CACNA2D4: variants seen among roughly 807,000 people sequenced by gnomAD.
CACNA2D4 encodes the protein calcium voltage-gated channel auxiliary subunit alpha2delta 4, also known as voltage-dependent calcium channel subunit alpha-2/delta-4.
CACNA2D4 carries 157 observed loss-of-function variants against 163.8 expected under a neutral mutation model. The observed-to-expected ratio is 0.96, with a 90% CI of 0.84 to 1.09. The LOEUF is 1.09. Ranked by LOEUF, CACNA2D4 falls within the 50% of genes least tolerant of loss-of-function variation. The probability of loss-of-function intolerance (pLI) is 0.00; values close to 1 mark genes in which losing one functional copy is unlikely to be tolerated. For missense variants in CACNA2D4, 1,410 were observed against 1,479.9 expected (o/e 0.95, Z 0.78); for synonymous variants, 598 against 586.9 (o/e 1.02, Z -0.27).
At chr12:1,903,108 T>C (rs951890811) in intron 6 of CACNA2D4, among the ~76,000 whole-genome samples, 19 of 151,950 alleles carry the variant, frequency 1.3e-4, no homozygotes, top group African/African-American at 3.9e-4. Flanking sequence ...AGTACACACA[T>C]TGGGGAGAGG....
chr12:1,837,820 C>A (rs1014050322), intron 26 of CACNA2D4, among the ~76,000 whole-genome samples: 1 of 152,206 alleles, frequency 6.6e-6, no homozygotes, highest in Non-Finnish European at 1.5e-5. Context: ...AAGAACGGGG[C>A]CCCTCTCAGG....
At chr12:1,908,557 C>A (rs1220346748) in intron 4 of CACNA2D4, among the ~76,000 whole-genome samples, 1 of 152,212 alleles carries the variant, frequency 6.6e-6, no homozygotes, top group South Asian at 2.1e-4. Context: ...GGTGGAGCCC[C>A]GGCCCCGTTT....
Position 1,918,281 on chromosome 12 carries a change from G to A in CACNA2D4, c.193C>T (p.Pro65Ser), listed in dbSNP as rs769056546. The change falls in exon 1 of 38, where the codon CCT becomes TCT. Residue 65 changes from proline to serine, a missense_variant. Coordinates refer to ENST00000382722, the MANE Select transcript of CACNA2D4 (RefSeq NM_172364.5). ...WLLLLGTSLS[P>S]AWGQAKIPLE... Reference sequence around the variant, plus strand: ...GGAATCTTGGCCTGTCCCCACGCAGGGGACAGGGAGGTGCCTAGAAGCAGC... The same window carrying A: ...GGAATCTTGGCCTGTCCCCACGCAGAGGACAGGGAGGTGCCTAGAAGCAGC... The A allele has an allele frequency of 6.2e-7, 1 of 1,606,992 alleles. No individual in the cohort carries two copies. Among genetic ancestry groups the A allele is most frequent in the Non-Finnish European group, 8.5e-7 (1 of 1,177,408 alleles).
intron 13 of CACNA2D4, among the ~76,000 whole-genome samples, chr12:1,881,235 G>A (rs904095439): frequency 2.6e-5 from 4 of 152,190 alleles, no homozygotes; most frequent in South Asian, 2.1e-4. Flanking sequence ...CTGTGGCCTC[G>A]TCTGTGTGCG....
At chr12:1,882,064 TC>T (rs965433887) in intron 13 of CACNA2D4, among the ~76,000 whole-genome samples, 8 of 152,108 alleles carry the variant, frequency 5.3e-5, no homozygotes, top group African/African-American at 1.9e-4. Context: ...GTATCCCCCT[TC>T]CCCTTCCACA....
intron 26 of CACNA2D4, chr12:1,830,940 A>AC: frequency 1.3e-6 from 2 of 1,595,864 alleles, no homozygotes; most frequent in South Asian, 2.2e-5. Flanking sequence ...CCAAGGGATC[A>AC]CCTGCTGGAT....
chr12:1,855,988 C>A (rs748170857), intron 22 of CACNA2D4, 24 bp downstream of exon 22: 1 of 1,589,290 alleles, frequency 6.3e-7, no homozygotes, highest in South Asian at 1.1e-5. Flanking sequence ...GAAAAGCTTG[C>A]CTCAGTGGGC....
chr12:1,856,563 T>C (rs1163081192), intron 20 of CACNA2D4, among the ~76,000 whole-genome samples: 2 of 152,212 alleles, frequency 1.3e-5, no homozygotes, highest in Non-Finnish European at 2.9e-5. Context: ...ATTTGGGTTA[T>C]TATGGGCATG....
intron 18 of CACNA2D4, 89 bp from the exon 19 acceptor site, chr12:1,860,295 C>T (rs549723539): frequency 1.4e-5 from 13 of 920,986 alleles, no homozygotes; most frequent in South Asian, 2.7e-5. Context: ...GGGTCTTCAT[C>T]GTCACTGTAC....
intron 35 of CACNA2D4, 29 bp from the exon 36 acceptor site, chr12:1,795,809 G>A (rs371521634): frequency 2.1e-6 from 3 of 1,397,494 alleles, no homozygotes; most frequent in Non-Finnish European, 3.1e-6. Flanking sequence ...GTCGAGGATG[G>A]CTCCGTGGCG....
chr12:1,807,303 T>C (rs1863572268), intron 29 of CACNA2D4, among the ~76,000 whole-genome samples: 1 of 151,422 alleles, frequency 6.6e-6, no homozygotes. Flanking sequence ...TGCAGATCCT[T>C]CTCCAGTCAA....
intron 1 of CACNA2D4, among the ~76,000 whole-genome samples, chr12:1,916,127 G>A (rs938292063): frequency 2.0e-5 from 3 of 152,130 alleles, no homozygotes; most frequent in African/African-American, 2.4e-5. Flanking sequence ...GGAGTAAAAC[G>A]TGACTTCCGG....
chr12:1,876,572 G>A (rs1433881219), intron 16 of CACNA2D4, among the ~76,000 whole-genome samples: 5 of 152,188 alleles, frequency 3.3e-5, no homozygotes, highest in Non-Finnish European at 5.9e-5. Flanking sequence ...GGACAGCTCC[G>A]GTCCCCTATC....
chr12:1,874,155 C>G lies in CACNA2D4; in HGVS notation c.1878+449G>C, dbSNP rs1022639536. The stretch of plus-strand genomic sequence containing the variant: ...AATGGGATTAGTGAGGGCATTGATT[C>G]CTAACTATCTGGGAATGACAGTGGA... On this transcript the variant is annotated intron_variant, in intron 18 of 37. Transcript: ENST00000382722. This position sits in a 1 kb window ranked among gnomAD's most constrained non-coding sequence, Gnocchi z 4.4. 6.6e-6 allele frequency among the ~76,000 whole-genome samples: 1 copy of G among 152,136 alleles called. No homozygotes were observed. Among genetic ancestry groups the G allele is most frequent in the Non-Finnish European group, 1.5e-5 (1 of 68,024 alleles).
At position 1,854,280 on chromosome 12, in the gene CACNA2D4, T is replaced by C. The variant is rs75110625; in HGVS notation, c.2153-236A>G. ...TCTGAGGCTCTTTCCAATTGTAACATCTGATGAACTTAGGAGACCCTCAGT... is the reference window on the plus strand; with the variant it reads ...TCTGAGGCTCTTTCCAATTGTAACACCTGATGAACTTAGGAGACCCTCAGT... On this transcript the variant is annotated intron_variant, in intron 22 of 37. Coordinates refer to ENST00000382722, the MANE Select transcript of CACNA2D4 (RefSeq NM_172364.5). 3.5e-3 allele frequency among the ~76,000 whole-genome samples: 536 copies of C among 152,276 alleles called. 2 individuals are homozygous for C. Among genetic ancestry groups the C allele is most frequent in the East Asian group, 0.022 (112 of 5,184 alleles).
rs1862998282 is a variant in CACNA2D4 at position 1,792,280 on chromosome 12, T to A, written c.*1375A>T. 6.6e-6 allele frequency: 1 copy of A among 152,254 alleles called. No individual in the cohort carries two copies. Among genetic ancestry groups the A allele is most frequent in the Admixed American group, 6.5e-5 (1 of 15,288 alleles). 9.4% of individuals were successfully genotyped at this position (152,254 alleles called of 1,614,324 possible). A position where few individuals can be genotyped will look rare whatever the true frequency, so the allele number is the denominator to read the frequency against. On this transcript the variant is annotated 3_prime_UTR_variant, in exon 38 of 38. Transcript: ENST00000382722. ...GGCATTAATACTGCCCTCACAGGGT[T>A]GTTGCAAGACATGACGGTAAGAGTG...
chr12:1,889,586 C>G lies in CACNA2D4; in HGVS notation c.782-2517G>C, dbSNP rs547559503. 9.2e-5 allele frequency among the ~76,000 whole-genome samples: 14 copies of G among 152,186 alleles called. 1 individual carries two copies. Among genetic ancestry groups the G allele is most frequent in the Admixed American group, 3.3e-4 (5 of 15,292 alleles). On this transcript the variant is annotated intron_variant, in intron 6 of 37. Coordinates refer to ENST00000382722, the MANE Select transcript of CACNA2D4 (RefSeq NM_172364.5). ...GGAACCTCCTGCCTCAGCCGCCCCC[C>G]CCAGTAGCTGGAACTATAGGTACAA...
chr12:1,860,197 G>C lies in CACNA2D4; in HGVS notation c.1888C>G (p.Leu630Val). 6.2e-7 allele frequency: 1 copy of C among 1,613,606 alleles called. No individual in the cohort carries two copies. Among genetic ancestry groups the C allele is most frequent in the Non-Finnish European group, 8.5e-7 (1 of 1,179,662 alleles). ...KVPMDKGKRV[L>V]FLTNDYFFTD... ...AAGAAGTAGTCATTGGTCAGGAAAAGAACTCGCTTCTGAAAGAGTAGACAA... is the reference window on the plus strand; with the variant it reads ...AAGAAGTAGTCATTGGTCAGGAAAACAACTCGCTTCTGAAAGAGTAGACAA... The change falls in exon 19 of 38, where the codon CTT (leucine) becomes GTT (valine). Residue 630 changes from leucine to valine, a missense_variant. Transcript: ENST00000382722.
chr12:1,846,497 C>T lies in CACNA2D4; in HGVS notation c.2342+97G>A, dbSNP rs569236151. Reference sequence around the variant, plus strand: ...CCAGGGGTCCAGCATGCTGGAGACCCGGTGCCAGTCCACCCATGGCCCAGG... The same window carrying T: ...CCAGGGGTCCAGCATGCTGGAGACCTGGTGCCAGTCCACCCATGGCCCAGG... On this transcript the variant is annotated intron_variant, in intron 24 of 37. Coordinates refer to ENST00000382722, the MANE Select transcript of CACNA2D4 (RefSeq NM_172364.5). The T allele has an allele frequency of 1.9e-5, 19 of 975,230 alleles. 1 individual carries two copies. Among genetic ancestry groups the T allele is most frequent in the African/African-American group, 4.8e-5 (3 of 62,456 alleles). The allele number at this position is 975,230 out of a possible 1,614,324, so 60.4% of individuals were successfully genotyped here.
Sources: allele counts gnomAD v4.1 joint callset (sites outside exome capture counted in the v4.1 genomes callset), GRCh38; gene constraint gnomAD v4.1.1; non-coding constraint Gnocchi (gnomAD v3.1); transcripts MANE v1.5; gene names NCBI Gene and HGNC (gene_info 2026-07-23, HGNC 2026-07-21).